The following LHFPL3 variants were observed in gnomAD, a reference collection of about 807,000 sequenced individuals.
LHFPL3 encodes the protein LHFPL tetraspan subfamily member 3, also known as LHFPL tetraspan subfamily member 3 protein.
A neutral mutation model predicts 19.3 loss-of-function variants in LHFPL3; 5 were observed. That is an observed-to-expected ratio of 0.26 (90% CI 0.14 to 0.54). LHFPL3 has a LOEUF of 0.54. Ranked by LOEUF, LHFPL3 falls within the 20% of genes least tolerant of loss-of-function variation. The pLI is 0.94. For synonymous variants in LHFPL3, 133 were observed against 126.2 expected, an observed-to-expected ratio of 1.05 and a Z score of -0.36; for missense variants, 249 against 307.4, an observed-to-expected ratio of 0.81 and a Z score of 1.42.
intron 1 of LHFPL3, among the ~76,000 whole-genome samples, chr7:104,467,050 C>T (rs1378780262): frequency 6.6e-6 from 1 of 151,934 alleles, no homozygotes; most frequent in African/African-American, 2.4e-5. Context: ...ATTCGTGCAC[C>T]TTTCTTAACA....
chr7:104,790,616 A>G (rs374265581), intron 2 of LHFPL3, among the ~76,000 whole-genome samples: 1 of 152,170 alleles, frequency 6.6e-6, no homozygotes, highest in Non-Finnish European at 1.5e-5. Flanking sequence ...ACCATTAGTC[A>G]TCTTAATTGC....
intron 1 of LHFPL3, among the ~76,000 whole-genome samples, chr7:104,400,766 T>C (rs1349486460): frequency 6.6e-6 from 1 of 152,130 alleles, no homozygotes; most frequent in African/African-American, 2.4e-5. Flanking sequence ...AAAATTTTTA[T>C]CAATATTTTC....
chr7:104,755,311 C>A (rs1794261614), intron 2 of LHFPL3, among the ~76,000 whole-genome samples: 1 of 152,120 alleles, frequency 6.6e-6, no homozygotes, highest in Non-Finnish European at 1.5e-5. Flanking sequence ...CCATATACCC[C>A]ATACACAGGG....
intron 2 of LHFPL3, among the ~76,000 whole-genome samples, chr7:104,765,248 A>G (rs1051599963): frequency 6.6e-6 from 1 of 152,216 alleles, no homozygotes; most frequent in Non-Finnish European, 1.5e-5. Flanking sequence ...TTTTCAGCAC[A>G]AAAGAAAAAG....
rs528965954 is a variant in LHFPL3 at position 104,460,739 on chromosome 7, A to G, written c.445+131515A>G. On this transcript the variant is annotated intron_variant, in intron 1 of 2. Transcript: ENST00000424859. ...TTTAAGTTTCTTGTAGATGCTGGAT[A>G]TTAGATCTTTTTCAGATGCATAGTT... Among the ~76,000 whole-genome samples the G allele has an allele frequency of 5.9e-5, 9 of 152,256 alleles. No homozygotes were observed. In the East Asian group the frequency reaches 1.5e-3, roughly 26 times the overall value.
At chr7:104,526,568 T>C (rs1041113538) in intron 1 of LHFPL3, among the ~76,000 whole-genome samples, 3 of 152,228 alleles carry the variant, frequency 2.0e-5, no homozygotes, top group African/African-American at 7.2e-5. Flanking sequence ...GCAATCTCCA[T>C]TGCTGTGACA....
At chr7:104,809,731 T>C (rs927328975) in intron 2 of LHFPL3, among the ~76,000 whole-genome samples, 3 of 152,230 alleles carry the variant, frequency 2.0e-5, no homozygotes, top group East Asian at 3.8e-4. Context: ...CTCTTACCCA[T>C]ACAGCACAGA....
At chr7:104,694,653 A>G (rs1443477073) in intron 1 of LHFPL3, among the ~76,000 whole-genome samples, 1 of 152,240 alleles carries the variant, frequency 6.6e-6, no homozygotes, top group Non-Finnish European at 1.5e-5. Context: ...CCCAGAAAAG[A>G]AAATAGTTTG....
intron 2 of LHFPL3, among the ~76,000 whole-genome samples, chr7:104,821,949 G>A (rs1252026638): frequency 6.0e-4 from 91 of 152,194 alleles, no homozygotes; most frequent in Non-Finnish European, 1.5e-4. Context: ...GATAATAACA[G>A]GCCGCATATA....
At chr7:104,483,244 TC>T in intron 1 of LHFPL3, among the ~76,000 whole-genome samples, 1 of 152,346 alleles carries the variant, frequency 6.6e-6, no homozygotes, top group Non-Finnish European at 1.5e-5. Flanking sequence ...TCAGTTTCAT[TC>T]CCTTACATGC....
intron 1 of LHFPL3, among the ~76,000 whole-genome samples, chr7:104,453,471 G>C (rs79039253): frequency 1.3e-5 from 2 of 152,028 alleles, no homozygotes; most frequent in Non-Finnish European, 2.9e-5. Context: ...GAAGGTTTTC[G>C]AGTCCTTGAG....
intron 2 of LHFPL3, among the ~76,000 whole-genome samples, chr7:104,813,618 A>G (rs942943261): frequency 2.6e-5 from 4 of 152,200 alleles, no homozygotes; most frequent in Admixed American, 6.5e-5. Context: ...TGTAGGGTCC[A>G]GCCACTGTGC....
chr7:104,401,348 AT>A lies in LHFPL3; in HGVS notation c.445+72126del, dbSNP rs542499687. Among the ~76,000 whole-genome samples the A allele has an allele frequency of 3.4e-3, 517 of 152,362 alleles. 2 individuals carry two copies. Among genetic ancestry groups the A allele is most frequent in the African/African-American group, 0.012 (487 of 41,592 alleles). ...GGCTATAGCTGACCATCTAACTTTA[AT>A]TAGTTCCATAATCAACAGATGAAAT... On this transcript the variant is annotated intron_variant, in intron 1 of 2. Coordinates refer to ENST00000424859, the MANE Select transcript of LHFPL3 (RefSeq NM_199000.3).
At chr7:104,342,743 C>T (rs1008471767) in intron 1 of LHFPL3, among the ~76,000 whole-genome samples, 1 of 152,208 alleles carries the variant, frequency 6.6e-6, no homozygotes, top group Admixed American at 6.5e-5. Flanking sequence ...CCAGAATTTT[C>T]CCTCATTAGC....
At chr7:104,514,028 T>A (rs948552963) in intron 1 of LHFPL3, among the ~76,000 whole-genome samples, 1 of 152,170 alleles carries the variant, frequency 6.6e-6, no homozygotes, top group Admixed American at 6.5e-5. Flanking sequence ...GGTAGAGGAT[T>A]TATTAATAAA....
chr7:104,527,188 A>AG (rs1219592021), intron 1 of LHFPL3, among the ~76,000 whole-genome samples: 1 of 152,134 alleles, frequency 6.6e-6, no homozygotes, highest in Non-Finnish European at 1.5e-5. Flanking sequence ...AGAGTTGGGC[A>AG]GGGGGCGGAT....
chr7:104,368,767 G>T (rs1368565180), intron 1 of LHFPL3, among the ~76,000 whole-genome samples: 1 of 56 alleles, frequency 0.018, no homozygotes, highest in Non-Finnish European at 0.042. Flanking sequence ...TGGCTGTACT[G>T]CCCTATGAGG....
At chr7:104,738,149 A>G (rs1342213748) in intron 2 of LHFPL3, among the ~76,000 whole-genome samples, 2 of 152,154 alleles carry the variant, frequency 1.3e-5, no homozygotes, top group Non-Finnish European at 2.9e-5. Context: ...TCTAAACACA[A>G]AAATAACCCT....
chr7:104,482,131 G>T (rs1793148717), intron 1 of LHFPL3, among the ~76,000 whole-genome samples: 1 of 152,206 alleles, frequency 6.6e-6, no homozygotes, highest in African/African-American at 2.4e-5. Context: ...TCCTCAAGGT[G>T]AAATAACTCT....
Sources: gnomAD v4.1 joint callset for allele counts (sites outside exome capture counted in the v4.1 genomes callset) on GRCh38, gnomAD v4.1.1 for gene constraint, MANE v1.5 for transcripts, NCBI Gene and HGNC (gene_info 2026-07-23, HGNC 2026-07-21) for gene names.